OR51B5: variants seen among roughly 807,000 people sequenced by gnomAD.
The protein encoded by OR51B5 is olfactory receptor 51B5.
For synonymous variants in OR51B5, 186 were observed against 144.8 expected, an observed-to-expected ratio of 1.28 and a Z score of -2.04; for missense variants, 456 against 374.6, an observed-to-expected ratio of 1.22 and a Z score of -1.79.
rs1258701620 is a variant in OR51B5 at position 5,451,635 on chromosome 11, G to T, written n.84+53934C>A. Among the ~76,000 whole-genome samples the T allele has an allele frequency of 2.0e-5, 3 of 152,306 alleles. No individual in the cohort carries two copies. In the East Asian group the frequency reaches 5.8e-4, roughly 29 times the overall value. On this transcript the variant is annotated intron_variant and non_coding_transcript_variant, in intron 1 of 4. Coordinates refer to the OR51B5 transcript ENST00000415970. ...TAAAAATGCTTCCTGGGGTGACAAT[G>T]CTTCATTGCACCCCATTCCACAACC... is the stretch of plus-strand genomic sequence containing the variant.
At position 5,406,287 on chromosome 11, in the gene OR51B5, C is replaced by T. The variant is rs570477811; in HGVS notation, n.85-59377G>A. ...TTATAGCCAATTTACTGAATATCTT[C>T]GGCTTCATTCTAGAATGGATTTCTT... On this transcript the variant is annotated intron_variant and non_coding_transcript_variant, in intron 1 of 4. Transcript: ENST00000415970. Among the ~76,000 whole-genome samples, 41 of 152,286 alleles carry T rather than the reference C, an allele frequency of 2.7e-4. No homozygotes were observed. The East Asian group carries it at 4.8e-3, about 18-fold the overall frequency.
chr11:5,452,899 T>C lies in OR51B5; in HGVS notation n.84+52670A>G, dbSNP rs377088882. 1.7e-3 allele frequency among the ~76,000 whole-genome samples: 258 copies of C among 152,372 alleles called. 2 individuals are homozygous for C. Among genetic ancestry groups the C allele is most frequent in the African/African-American group, 5.9e-3 (246 of 41,590 alleles). The stretch of plus-strand genomic sequence containing the variant: ...TGCTTTTTTGCAGTAATTCTGCCAA[T>C]GAAAAGCTCATGACTGCCTCTGGAG... On this transcript the variant is annotated intron_variant and non_coding_transcript_variant, in intron 1 of 4. Transcript: ENST00000415970.
At chr11:5,366,646 A>AGGAAG (rs1246273030) in intron 1 of OR51B5, among the ~76,000 whole-genome samples, 5 of 149,474 alleles carry the variant, frequency 3.3e-5, no homozygotes, top group African/African-American at 1.3e-4. Context: ...GGAGGGAGGA[A>AGGAAG]GGAAGGGAAG....
intron 1 of OR51B5, among the ~76,000 whole-genome samples, chr11:5,459,316 T>C (rs1245065488): frequency 3.3e-5 from 5 of 152,150 alleles, no homozygotes; most frequent in African/African-American, 4.8e-5. Context: ...AACTTGCTTA[T>C]AGGGGATTAG....
intron 1 of OR51B5, among the ~76,000 whole-genome samples, chr11:5,361,089 A>G (rs1849277341): frequency 6.6e-6 from 1 of 152,194 alleles, no homozygotes; most frequent in South Asian, 2.1e-4. Flanking sequence ...ATGTATACAT[A>G]TGTAACAAAC....
intron 1 of OR51B5, among the ~76,000 whole-genome samples, chr11:5,433,874 C>T (rs1850562737): frequency 6.6e-6 from 1 of 151,990 alleles, no homozygotes; most frequent in Non-Finnish European, 1.5e-5. Flanking sequence ...GAGACAAGAG[C>T]AATGTAATTA....
At chr11:5,456,455 T>C (rs1850960319) in intron 1 of OR51B5, 1 of 152,226 alleles carries the variant, frequency 6.6e-6, no homozygotes, top group African/African-American at 2.4e-5. Context: ...TTTTGTTTTT[T>C]TGACCTTGGG....
chr11:5,410,643 G>T (rs1850134454), intron 1 of OR51B5, among the ~76,000 whole-genome samples: 1 of 152,038 alleles, frequency 6.6e-6, no homozygotes, highest in African/African-American at 2.4e-5. Flanking sequence ...AAAGACTCAG[G>T]TAGGTCCTTC....
intron 1 of OR51B5, among the ~76,000 whole-genome samples, chr11:5,503,307 C>G (rs1846323808): frequency 1.3e-5 from 2 of 152,110 alleles, no homozygotes; most frequent in African/African-American, 2.4e-5. Context: ...TCATCACAGT[C>G]TAATTCACCC....
intron 1 of OR51B5, among the ~76,000 whole-genome samples, chr11:5,379,204 C>G (rs1391780811): frequency 1.3e-5 from 2 of 151,808 alleles, no homozygotes; most frequent in South Asian, 2.1e-4. Flanking sequence ...AGTAAACTAT[C>G]GCAAGGACAA....
intron 1 of OR51B5, among the ~76,000 whole-genome samples, chr11:5,443,268 G>A (rs1287247204): frequency 1.3e-5 from 2 of 152,078 alleles, no homozygotes. Context: ...GAAATTAGAT[G>A]GTGACAAGGT....
At chr11:5,500,440 T>C (rs1296205203) in intron 1 of OR51B5, among the ~76,000 whole-genome samples, 4 of 149,186 alleles carry the variant, frequency 2.7e-5, no homozygotes, top group African/African-American at 9.7e-5. Context: ...AAACTGTCGG[T>C]ACCAAAATGG....
At chr11:5,352,684 T>C (rs1432882770) in intron 1 of OR51B5, among the ~76,000 whole-genome samples, 2 of 152,092 alleles carry the variant, frequency 1.3e-5, no homozygotes, top group African/African-American at 4.8e-5. Context: ...TCAACTGATA[T>C]TGTTTTCTCA....
intron 1 of OR51B5, among the ~76,000 whole-genome samples, chr11:5,472,218 T>A (rs564833040): frequency 6.6e-6 from 1 of 151,894 alleles, no homozygotes; most frequent in South Asian, 2.1e-4. Flanking sequence ...AGATGGGGGA[T>A]GTGCATGTGG....
intron 1 of OR51B5, among the ~76,000 whole-genome samples, chr11:5,368,670 C>T (rs1849409674): frequency 6.6e-6 from 1 of 152,106 alleles, no homozygotes; most frequent in Non-Finnish European, 1.5e-5. Context: ...GAAAGCAGAG[C>T]ATAGTAGAGG....
chr11:5,503,464 A>G (rs1414525310), intron 1 of OR51B5, among the ~76,000 whole-genome samples: 1 of 152,250 alleles, frequency 6.6e-6, no homozygotes, highest in African/African-American at 2.4e-5. Context: ...TCCCTATTTT[A>G]AAAGGAAAGA....
At chr11:5,351,294 A>C (rs1162641419) in intron 1 of OR51B5, among the ~76,000 whole-genome samples, 3 of 152,218 alleles carry the variant, frequency 2.0e-5, no homozygotes, top group Non-Finnish European at 2.9e-5. Context: ...ATAATCTTAC[A>C]TAGAGTAAAC....
At chr11:5,342,796 G>T (rs762624040) in exon 1 of OR51B5, 1 of 1,613,606 alleles carries the variant, frequency 6.2e-7, no homozygotes, top group Middle Eastern at 1.7e-4. Context: ...GGACACAGCA[G>T]ATATGGGAGA....
chr11:5,440,521 C>T (rs1850661605), intron 1 of OR51B5: 2 of 1,345,810 alleles, frequency 1.5e-6, no homozygotes, highest in Admixed American at 1.9e-5. Context: ...AAGTTGTTAA[C>T]ATGTCCCAAT....
Sources: gnomAD v4.1 joint callset for allele counts (sites outside exome capture counted in the v4.1 genomes callset) on GRCh38, gnomAD v4.1.1 for gene constraint, MANE v1.5 for transcripts, NCBI Gene and HGNC (gene_info 2026-07-23, HGNC 2026-07-21) for gene names.